TMEM132D: variants seen among roughly 807,000 people sequenced by gnomAD.
The protein encoded by TMEM132D is transmembrane protein 132D.
Under a neutral mutation model 62.3 loss-of-function variants are expected in TMEM132D, and 21 were observed. That is an observed-to-expected ratio of 0.34 (90% confidence interval 0.24 to 0.49). TMEM132D has a LOEUF of 0.49. Ranked by LOEUF, TMEM132D falls within the 20% of genes least tolerant of loss-of-function variation. TMEM132D has a pLI of 0.99. For missense variants in TMEM132D, 1,346 were observed against 1,402.8 expected (o/e 0.96, Z 0.65); for synonymous variants, 621 against 575.6 (o/e 1.08, Z -1.13).
At chr12:129,404,641 G>A (rs954356505) in intron 3 of TMEM132D, among the ~76,000 whole-genome samples, 6 of 152,198 alleles carry the variant, frequency 3.9e-5, no homozygotes, top group Admixed American at 2.6e-4. Context: ...GCCATCACAC[G>A]GTGAGAGTGG....
chr12:129,289,265 C>T lies in TMEM132D; in HGVS notation c.1299+48369G>A, dbSNP rs181546971. Among the ~76,000 whole-genome samples, 38 of 152,150 alleles carry T rather than the reference C, an allele frequency of 2.5e-4. No homozygotes were observed. In the East Asian group the frequency reaches 6.6e-3, roughly 26 times the overall value. On this transcript the variant is annotated intron_variant, in intron 4 of 8. Coordinates refer to ENST00000422113, the MANE Select transcript of TMEM132D (RefSeq NM_133448.3). Reference sequence around the variant, plus strand: ...TAGAACTAATTTTAACTGCCCTGGCCGGGCGCCATGGCTCACACCTGTAAT... The same window carrying T: ...TAGAACTAATTTTAACTGCCCTGGCTGGGCGCCATGGCTCACACCTGTAAT...
At chr12:129,445,391 T>G (rs767096941) in intron 3 of TMEM132D, among the ~76,000 whole-genome samples, 16 of 151,966 alleles carry the variant, frequency 1.1e-4, no homozygotes, top group Admixed American at 1.0e-3. Context: ...CTGAATAATC[T>G]CCACAACAAA....
rs753570003 is a variant in TMEM132D at position 129,074,459 on chromosome 12, G to C, written c.2716C>G (p.Leu906Val). Residue 906 changes from leucine to valine, a missense_variant, in exon 9 of 9, where the codon CTT (leucine) becomes GTT (valine). Coordinates refer to ENST00000422113, the MANE Select transcript of TMEM132D (RefSeq NM_133448.3). ...RSNGEMDGND[L>V]MQASKGLSDL... Reference sequence around the variant, plus strand: ...CTCAGCCCTTTGGATGCCTGCATAAGGTCATTCCCATCCATTTCCCCATTG... The same window carrying C: ...CTCAGCCCTTTGGATGCCTGCATAACGTCATTCCCATCCATTTCCCCATTG... 6.2e-7 allele frequency: 1 copy of C among 1,613,998 alleles called. No homozygotes were observed. The highest frequency in any genetic ancestry group is 1.7e-5 in the Admixed American group (1 of 60,002).
chr12:129,510,977 A>C (rs1875480760), intron 3 of TMEM132D, among the ~76,000 whole-genome samples: 1 of 152,220 alleles, frequency 6.6e-6, no homozygotes, highest in African/African-American at 2.4e-5. Context: ...GAAGTTAAGT[A>C]ATGTGATTCC....
intron 4 of TMEM132D, among the ~76,000 whole-genome samples, chr12:129,259,079 A>T (rs1376619933): frequency 1.3e-5 from 2 of 151,992 alleles, no homozygotes; most frequent in Non-Finnish European, 2.9e-5. Flanking sequence ...GGTTGTAGAC[A>T]CTCCAGGGCC....
intron 5 of TMEM132D, among the ~76,000 whole-genome samples, chr12:129,150,412 TTTGTG>T (rs1877038317): frequency 6.6e-6 from 1 of 152,252 alleles, no homozygotes; most frequent in Non-Finnish European, 1.5e-5. Flanking sequence ...TTATAATGTA[TTTGTG>T]TTTTTATTAC....
intron 1 of TMEM132D, among the ~76,000 whole-genome samples, chr12:129,868,052 A>ACAGCGTTTCTATGGTACACATGAGG (rs1874113081): frequency 1.3e-5 from 2 of 151,442 alleles, no homozygotes; most frequent in South Asian, 4.2e-4. Flanking sequence ...CACACATGAG[A>ACAGCGTTTCTATGGTACACATGAGG]CAGCGTTTCT....
chr12:129,424,936 A>T (rs1411053103), intron 3 of TMEM132D, among the ~76,000 whole-genome samples: 2 of 152,094 alleles, frequency 1.3e-5, no homozygotes, highest in African/African-American at 4.8e-5. Context: ...GCCAATTTAC[A>T]GTCCATCCCG....
At chr12:129,297,163 G>A (rs1332273535) in intron 4 of TMEM132D, among the ~76,000 whole-genome samples, 1 of 152,148 alleles carries the variant, frequency 6.6e-6, no homozygotes, top group Non-Finnish European at 1.5e-5. Flanking sequence ...GAGTCAATGT[G>A]GAGTTTGTTG....
At chr12:129,728,245 A>C (rs751613986) in intron 1 of TMEM132D, among the ~76,000 whole-genome samples, 25 of 152,250 alleles carry the variant, frequency 1.6e-4, no homozygotes, top group Non-Finnish European at 3.1e-4. Flanking sequence ...CAGCACAGAA[A>C]GTTCCTTAAA....
At chr12:129,865,242 G>A (rs1874021028) in intron 1 of TMEM132D, among the ~76,000 whole-genome samples, 1 of 152,220 alleles carries the variant, frequency 6.6e-6, no homozygotes, top group African/African-American at 2.4e-5. Flanking sequence ...AAGCCTGCAG[G>A]ACAGAGTTCC....
chr12:129,466,483 C>A (rs1873910895), intron 3 of TMEM132D, among the ~76,000 whole-genome samples: 1 of 151,820 alleles, frequency 6.6e-6, no homozygotes, highest in Admixed American at 6.6e-5. Context: ...CTGTGCCTGG[C>A]AACTTTTCCT....
At chr12:129,775,907 G>T (rs1252176562) in intron 1 of TMEM132D, among the ~76,000 whole-genome samples, 2 of 151,802 alleles carry the variant, frequency 1.3e-5, no homozygotes, top group Non-Finnish European at 2.9e-5. Flanking sequence ...TATCAATAAG[G>T]AATTTTATAT....
intron 3 of TMEM132D, among the ~76,000 whole-genome samples, chr12:129,513,610 G>A (rs559413953): frequency 3.3e-5 from 5 of 150,274 alleles, no homozygotes; most frequent in Admixed American, 2.7e-4. Context: ...TCAGCCTCCC[G>A]AGTAGCTGGG....
intron 5 of TMEM132D, among the ~76,000 whole-genome samples, chr12:129,093,925 T>C (rs996830314): frequency 1.4e-4 from 21 of 151,830 alleles, no homozygotes; most frequent in Non-Finnish European, 1.9e-4. Context: ...AAACAAGCAA[T>C]GGGGAAAGGA....
intron 1 of TMEM132D, among the ~76,000 whole-genome samples, chr12:129,752,249 A>C (rs1429932618): frequency 2.0e-5 from 3 of 151,938 alleles, no homozygotes; most frequent in African/African-American, 4.8e-5. Flanking sequence ...ACACACACAC[A>C]CCCCCCTCAA....
At chr12:129,358,127 T>C (rs1307229178) in intron 3 of TMEM132D, among the ~76,000 whole-genome samples, 1 of 152,182 alleles carries the variant, frequency 6.6e-6, no homozygotes, top group Admixed American at 6.5e-5. Context: ...ATTTCTATCT[T>C]ATAATACCCT....
intron 2 of TMEM132D, among the ~76,000 whole-genome samples, chr12:129,605,693 T>C (rs968509843): frequency 1.1e-4 from 17 of 150,958 alleles, no homozygotes; most frequent in African/African-American, 3.4e-4. Context: ...ATAGAAAGTG[T>C]GCTGATGAGC....
chr12:129,350,971 G>A lies in TMEM132D; in HGVS notation c.1116-13154C>T, dbSNP rs116414252. ...CAGGTATCAGGCAAAGCTCCTGCAT[G>A]TTTTGAAAGCCTCAATAATAGTCAC... is the stretch of plus-strand genomic sequence containing the variant. On this transcript the variant is annotated intron_variant, in intron 3 of 8. Coordinates refer to ENST00000422113, the MANE Select transcript of TMEM132D (RefSeq NM_133448.3). Among the ~76,000 whole-genome samples the A allele has an allele frequency of 1.5e-3, 225 of 152,310 alleles. 1 individual carries two copies. Among genetic ancestry groups the A allele is most frequent in the African/African-American group, 5.2e-3 (218 of 41,564 alleles).
Sources: gnomAD v4.1 joint callset for allele counts (sites outside exome capture counted in the v4.1 genomes callset) on GRCh38, gnomAD v4.1.1 for gene constraint, MANE v1.5 for transcripts, NCBI Gene and HGNC (gene_info 2026-07-23, HGNC 2026-07-21) for gene names.